The following EFHC1 variants were observed in gnomAD, a reference collection of about 807,000 sequenced individuals.
EFHC1 encodes EF-hand domain containing 1.
A neutral mutation model predicts 69.9 loss-of-function variants in EFHC1; 53 were observed. The ratio of observed to expected loss-of-function variants is 0.76; its 90% CI spans 0.61 to 0.95. The LOEUF (loss-of-function observed/expected upper bound fraction) is 0.95. Among genes scored for constraint, EFHC1 ranks in the 40% least tolerant of loss-of-function variants. The probability of loss-of-function intolerance (pLI) is 0.00; values close to 1 mark genes in which losing one functional copy is unlikely to be tolerated. For synonymous variants in EFHC1, 256 were observed against 278.4 expected (o/e 0.92, Z 0.80); for missense variants, 739 against 798.7 (o/e 0.93, Z 0.90).
chr6:52,428,763 C>CT (rs1764356191), intron 2 of EFHC1, among the ~76,000 whole-genome samples: 2 of 152,120 alleles, frequency 1.3e-5, no homozygotes, highest in Admixed American at 1.3e-4. Context: ...AATCTTCACA[C>CT]TTTTAGTTCT....
At chr6:52,481,316 C>A (rs1765669417) in intron 9 of EFHC1, among the ~76,000 whole-genome samples, 1 of 151,946 alleles carries the variant, frequency 6.6e-6, no homozygotes, top group Non-Finnish European at 1.5e-5. Flanking sequence ...AGAGCAGTTG[C>A]CTTCTTTGTT....
chr6:52,429,469 T>G (rs1387339781), intron 2 of EFHC1, among the ~76,000 whole-genome samples: 1 of 152,162 alleles, frequency 6.6e-6, no homozygotes, highest in Non-Finnish European at 1.5e-5. Flanking sequence ...TCACTTTATG[T>G]TTTTGTTTGC....
At position 52,452,761 on chromosome 6, in the gene EFHC1, G is replaced by A. The variant is rs77682973; in HGVS notation, c.647G>A (p.Arg216Gln). 2.2e-5 allele frequency: 35 copies of A among 1,614,000 alleles called. No individual in the cohort carries two copies. Among genetic ancestry groups the A allele is most frequent in the Middle Eastern group, 3.3e-4 (2 of 6,084 alleles). ...GCTCTTGATCCTTACACTGAACTCC[G>A]AAAACAGCCTCTTCGTAAGTATGTC... ...KMALDPYTEL[R>Q]KQPLRKYVTP... is the part of the protein sequence containing the mutation. The change falls in exon 4 of 11, where the codon CGA becomes CAA. Residue 216 changes from arginine to glutamine, a missense_variant. Transcript: ENST00000371068.
intron 3 of EFHC1, among the ~76,000 whole-genome samples, chr6:52,441,083 T>C (rs1022533649): frequency 2.6e-5 from 4 of 152,180 alleles, no homozygotes; most frequent in African/African-American, 9.6e-5. Context: ...ATTCTTTAGA[T>C]AGTCTTTTTA....
At chr6:52,490,708 T>G (rs970980195) in intron 10 of EFHC1, 1 of 456,452 alleles carries the variant, frequency 2.2e-6, no homozygotes, top group Admixed American at 3.7e-5. Context: ...TTTGATACCC[T>G]TCACAGCTGA....
intron 2 of EFHC1, among the ~76,000 whole-genome samples, chr6:52,429,786 T>G (rs1183350612): frequency 2.0e-5 from 3 of 152,216 alleles, no homozygotes; most frequent in Non-Finnish European, 4.4e-5. Context: ...CTTTTGGCAG[T>G]ATGGTCATTT....
chr6:52,477,351 A>T (rs147625678), intron 7 of EFHC1, among the ~76,000 whole-genome samples: 1 of 152,206 alleles, frequency 6.6e-6, no homozygotes, highest in Non-Finnish European at 1.5e-5. Flanking sequence ...TTTTTAATAG[A>T]TGAGGAATTA....
intron 4 of EFHC1, 90 bp downstream of exon 4, chr6:52,452,927 C>T (rs747263574): frequency 1.2e-6 from 2 of 1,604,942 alleles, no homozygotes; most frequent in African/African-American, 2.7e-5. Context: ...GTATTGGTAA[C>T]TATTTTGAAA....
intron 3 of EFHC1, among the ~76,000 whole-genome samples, chr6:52,441,708 G>C (rs1764669001): frequency 6.6e-6 from 1 of 152,074 alleles, no homozygotes; most frequent in Non-Finnish European, 1.5e-5. Flanking sequence ...TGACTGTAAA[G>C]ATATTGATTT....
chr6:52,428,122 C>A (rs1475963544), intron 2 of EFHC1: 1 of 152,084 alleles, frequency 6.6e-6, no homozygotes, highest in Non-Finnish European at 1.5e-5. Flanking sequence ...TTTTTCTTTT[C>A]TTTCTACGTA....
chr6:52,479,805 A>G lies in EFHC1; in HGVS notation c.1640+18A>G. 1.2e-6 allele frequency: 2 copies of G among 1,613,534 alleles called. No individual in the cohort carries two copies. The highest frequency in any genetic ancestry group is 1.1e-5 in the South Asian group (1 of 91,078). Reference sequence around the variant, plus strand: ...GCAGAAAGGTGTGTGTTTGATTGCTAGGGTTTGGCACACTCAAGATATTCA... The same window carrying G: ...GCAGAAAGGTGTGTGTTTGATTGCTGGGGTTTGGCACACTCAAGATATTCA... On this transcript the variant is annotated intron_variant, in intron 9 of 10. Transcript: ENST00000371068.
At chr6:52,473,545 C>G (rs1161445861) in intron 7 of EFHC1, among the ~76,000 whole-genome samples, 3 of 152,120 alleles carry the variant, frequency 2.0e-5, no homozygotes, top group African/African-American at 7.2e-5. Flanking sequence ...CTTTGGGAGA[C>G]CAAGGTGGGC....
intron 9 of EFHC1, chr6:52,484,355 ATTAAT>A (rs1194420430): frequency 1.3e-5 from 2 of 152,246 alleles, no homozygotes; most frequent in African/African-American, 2.4e-5. Context: ...ATTTTCAAAT[ATTAAT>A]TTATTTTGAA....
At chr6:52,426,621 G>A (rs1440753317) in intron 2 of EFHC1, among the ~76,000 whole-genome samples, 2 of 152,104 alleles carry the variant, frequency 1.3e-5, no homozygotes, top group South Asian at 2.1e-4. Context: ...TCTTCACCTG[G>A]ATGAACTGTT....
chr6:52,429,327 T>A (rs535341871), intron 2 of EFHC1, among the ~76,000 whole-genome samples: 1 of 152,202 alleles, frequency 6.6e-6, no homozygotes, highest in African/African-American at 2.4e-5. Context: ...TAGTTTCAGG[T>A]CTTAGATTTA....
chr6:52,479,567 G>T, intron 8 of EFHC1, 73 bp from the exon 9 acceptor site: 1 of 1,595,792 alleles, frequency 6.3e-7, no homozygotes, highest in African/African-American at 1.3e-5. Context: ...ATCATTGGAG[G>T]GTTAATACTA....
chr6:52,472,601 C>G (rs1391214079), intron 7 of EFHC1, among the ~76,000 whole-genome samples: 1 of 151,886 alleles, frequency 6.6e-6, no homozygotes, highest in Admixed American at 6.5e-5. Flanking sequence ...GTGTTACATA[C>G]AAAAGATATG....
intron 7 of EFHC1, among the ~76,000 whole-genome samples, chr6:52,478,630 G>T (rs570035942): frequency 6.6e-6 from 1 of 152,266 alleles, no homozygotes; most frequent in African/African-American, 2.4e-5. Context: ...GTCTCAACTA[G>T]CAGCCTGTGG....
chr6:52,464,513 G>A (rs1020660537), intron 5 of EFHC1, among the ~76,000 whole-genome samples: 1 of 152,182 alleles, frequency 6.6e-6, no homozygotes, highest in South Asian at 2.1e-4. Context: ...CTGGATGAAT[G>A]GATAAACGGG....
Sources: allele counts gnomAD v4.1 joint callset (sites outside exome capture counted in the v4.1 genomes callset), GRCh38; gene constraint gnomAD v4.1.1; transcripts MANE v1.5; gene names NCBI Gene and HGNC (gene_info 2026-07-23, HGNC 2026-07-21).